The following STXBP5 variants were observed in gnomAD, a reference collection of about 807,000 sequenced individuals.
STXBP5 encodes syntaxin-binding protein 5.
STXBP5 carries 50 observed loss-of-function variants against 152.4 expected under a neutral mutation model. The observed-to-expected ratio is 0.33, with a 90% confidence interval of 0.26 to 0.42. The LOEUF is 0.42. Ranked by LOEUF, STXBP5 falls within the 10% of genes least tolerant of loss-of-function variation. The pLI is 1.00. For missense variants in STXBP5, 1,167 were observed against 1,388.6 expected (o/e 0.84, Z 2.54); for synonymous variants, 492 against 494.7 (o/e 0.99, Z 0.07).
chr6:147,297,043 A>G (rs909713812), intron 9 of STXBP5, among the ~76,000 whole-genome samples: 2 of 152,200 alleles, frequency 1.3e-5, no homozygotes, highest in Non-Finnish European at 2.9e-5. Flanking sequence ...GGCGCAGAAA[A>G]CATATTTAAT....
chr6:147,266,963 G>A (rs184704072), intron 6 of STXBP5, 121 bp from the exon 7 acceptor site: 1 of 811,100 alleles, frequency 1.2e-6, no homozygotes, highest in African/African-American at 1.8e-5. Flanking sequence ...GCAGATGTTT[G>A]TTTATATTAT....
At chr6:147,372,561 AG>A (rs1785611633) in intron 25 of STXBP5, among the ~76,000 whole-genome samples, 1 of 149,680 alleles carries the variant, frequency 6.7e-6, no homozygotes. Context: ...CAGCCTCCTA[AG>A]TAGCTGGGAT....
chr6:147,240,668 C>T (rs142562673), intron 4 of STXBP5, among the ~76,000 whole-genome samples: 24 of 152,176 alleles, frequency 1.6e-4, no homozygotes, highest in African/African-American at 5.3e-4. Flanking sequence ...ATAGTTATAA[C>T]AACTGTAATA....
At chr6:147,318,623 C>T (rs1346876501) in intron 16 of STXBP5, among the ~76,000 whole-genome samples, 3 of 152,130 alleles carry the variant, frequency 2.0e-5, no homozygotes, top group Admixed American at 6.5e-5. Context: ...TGGAATGTCA[C>T]TTAATATAAG....
chr6:147,282,107 A>G (rs1352212560), intron 8 of STXBP5, among the ~76,000 whole-genome samples: 1 of 152,218 alleles, frequency 6.6e-6, no homozygotes, highest in African/African-American at 2.4e-5. Flanking sequence ...TGTGCTATTC[A>G]TATATGGCTC....
intron 21 of STXBP5, among the ~76,000 whole-genome samples, chr6:147,345,794 GCTTCT>G (rs1784298641): frequency 6.6e-6 from 1 of 152,158 alleles, no homozygotes; most frequent in South Asian, 2.1e-4. Flanking sequence ...TGTTTAATTT[GCTTCT>G]CTTGGACATC....
chr6:147,272,401 G>A (rs906679984), intron 7 of STXBP5, among the ~76,000 whole-genome samples: 2 of 152,054 alleles, frequency 1.3e-5, no homozygotes, highest in Admixed American at 6.5e-5. Flanking sequence ...TCTAAATGAC[G>A]GTGTTAAGTT....
At chr6:147,260,806 C>G in intron 5 of STXBP5, 57 bp downstream of exon 5, 1 of 1,554,038 alleles carries the variant, frequency 6.4e-7, no homozygotes, top group Non-Finnish European at 8.7e-7. Flanking sequence ...ATAATAATAC[C>G]GTTACATCAT....
At chr6:147,258,437 G>GT (rs1282215455) in intron 4 of STXBP5, among the ~76,000 whole-genome samples, 2 of 151,788 alleles carry the variant, frequency 1.3e-5, no homozygotes, top group Admixed American at 6.6e-5. Flanking sequence ...TTTGTTTTTT[G>GT]TTTTTTGTTT....
chr6:147,277,877 C>T (rs1022235363), intron 7 of STXBP5, among the ~76,000 whole-genome samples: 2 of 151,972 alleles, frequency 1.3e-5, no homozygotes, highest in African/African-American at 4.8e-5. Flanking sequence ...AAAGTAAGTA[C>T]AGAGAATTAA....
intron 21 of STXBP5, among the ~76,000 whole-genome samples, chr6:147,346,807 T>C (rs1207845701): frequency 1.3e-5 from 2 of 151,970 alleles, no homozygotes; most frequent in Non-Finnish European, 2.9e-5. Flanking sequence ...AGCCACCCAC[T>C]AAAAACAACT....
intron 8 of STXBP5, among the ~76,000 whole-genome samples, chr6:147,280,088 A>G (rs1365774180): frequency 6.7e-6 from 1 of 149,480 alleles, no homozygotes; most frequent in Non-Finnish European, 1.5e-5. Context: ...TAATAAGGAC[A>G]TTTTTCTATA....
chr6:147,227,860 G>C (rs1777799698), intron 2 of STXBP5, among the ~76,000 whole-genome samples: 1 of 151,948 alleles, frequency 6.6e-6, no homozygotes, highest in Admixed American at 6.6e-5. Context: ...TATCTTTTGA[G>C]TACATTTCCT....
chr6:147,290,830 C>T (rs1468328566), intron 8 of STXBP5, among the ~76,000 whole-genome samples: 2 of 152,162 alleles, frequency 1.3e-5, no homozygotes, highest in Non-Finnish European at 2.9e-5. Context: ...GAAAAACTAT[C>T]AGTTTCTCCT....
In STXBP5 at chr6:147,204,917, A is replaced by G. The variant is rs377543279; in HGVS notation, c.150+235A>G. Among the ~76,000 whole-genome samples the G allele has an allele frequency of 1.7e-3, 252 of 152,294 alleles. No individual in the cohort carries two copies. In the Middle Eastern group the frequency reaches 0.027, roughly 16 times the overall value. ...CTCTCTCCCCTTTGCACATGCAGCAATCAGTTCAAGGTTGCTTCAAACTAT... is the reference window on the plus strand; with the variant it reads ...CTCTCTCCCCTTTGCACATGCAGCAGTCAGTTCAAGGTTGCTTCAAACTAT... On this transcript the variant is annotated intron_variant, in intron 1 of 27. Transcript: ENST00000321680. The surrounding 1 kb of genome is among the most constrained non-coding windows in gnomAD (Gnocchi z 4.3).
intron 4 of STXBP5, among the ~76,000 whole-genome samples, chr6:147,254,969 A>G (rs932024698): frequency 6.6e-6 from 1 of 152,258 alleles, no homozygotes. Context: ...ATTACTGGGT[A>G]TGTACCCAAA....
At chr6:147,371,074 T>C (rs1306765746) in intron 25 of STXBP5, among the ~76,000 whole-genome samples, 3 of 152,050 alleles carry the variant, frequency 2.0e-5, no homozygotes, top group Non-Finnish European at 4.4e-5. Flanking sequence ...TATTTCTGAA[T>C]ATTTATATTT....
At chr6:147,334,312 A>C in intron 19 of STXBP5, 90 bp downstream of exon 19, 1 of 1,166,956 alleles carries the variant, frequency 8.6e-7, no homozygotes, top group South Asian at 1.6e-5. Flanking sequence ...ATATGCATTT[A>C]AAATACATCT....
intron 2 of STXBP5, among the ~76,000 whole-genome samples, chr6:147,231,645 A>G (rs922937222): frequency 6.6e-6 from 1 of 151,946 alleles, no homozygotes; most frequent in Non-Finnish European, 1.5e-5. Context: ...AACAAATATT[A>G]GAATAGTAAG....
Sources: gnomAD v4.1 joint callset for allele counts (sites outside exome capture counted in the v4.1 genomes callset) on GRCh38, gnomAD v4.1.1 for gene constraint, Gnocchi (gnomAD v3.1) non-coding constraint, MANE v1.5 for transcripts, NCBI Gene and HGNC (gene_info 2026-07-23, HGNC 2026-07-21) for gene names.